ZNRF3: variants seen among roughly 807,000 people sequenced by gnomAD.
ZNRF3 encodes E3 ubiquitin-protein ligase ZNRF3.
Under a neutral mutation model 72.5 loss-of-function variants are expected in ZNRF3, and 23 were observed. The observed-to-expected ratio is 0.32, with a 90% CI of 0.23 to 0.45. The LOEUF is 0.45. ZNRF3 is among the 20% of genes least tolerant of loss of function. The probability of loss-of-function intolerance (pLI) is 1.00; values close to 1 mark genes in which losing one functional copy is unlikely to be tolerated. For missense variants in ZNRF3, 1,169 were observed against 1,272.1 expected (o/e 0.92, Z 1.23); for synonymous variants, 610 against 545.3 (o/e 1.12, Z -1.65).
At chr22:28,897,880 GGGA>G (rs1250626132) in intron 1 of ZNRF3, among the ~76,000 whole-genome samples, 4 of 152,128 alleles carry the variant, frequency 2.6e-5, no homozygotes, top group African/African-American at 9.7e-5. Flanking sequence ...ACACTACTTT[GGGA>G]TAGCATAGTG....
chr22:28,958,156 C>A (rs2035293888), intron 1 of ZNRF3, among the ~76,000 whole-genome samples: 1 of 152,224 alleles, frequency 6.6e-6, no homozygotes, highest in African/African-American at 2.4e-5. Flanking sequence ...CCACTGCATG[C>A]CAGCCTGGGC....
chr22:28,997,348 C>G (rs1198192223), intron 2 of ZNRF3, among the ~76,000 whole-genome samples: 1 of 151,564 alleles, frequency 6.6e-6, no homozygotes, highest in Non-Finnish European at 1.5e-5. Flanking sequence ...AATTTTCACC[C>G]CAGGGGATAC....
At position 29,049,610 on chromosome 22, in the gene ZNRF3, C is replaced by G. The variant is rs1416780722; in HGVS notation, c.1429C>G (p.Leu477Val). The change falls in exon 8 of 9, where the codon CTC becomes GTC. Residue 477 changes from leucine (L) to valine (V), a missense_variant. This residue lies in a region of ZNRF3 where 783 missense variants were observed against 731.4 expected (regional missense o/e 1.07). Transcript: ENST00000544604. The surrounding 1 kb of genome is among the most constrained non-coding windows in gnomAD (Gnocchi z 5.2). ...TMYQHYYFQG[L>V]SYPEQEGQSP... ...GTACCAGCACTACTACTTCCAGGGCCTCAGCTACCCGGAGCAGGAGGGGCA... is the reference window on the plus strand; with the variant it reads ...GTACCAGCACTACTACTTCCAGGGCGTCAGCTACCCGGAGCAGGAGGGGCA... 2 of 1,610,172 alleles carry G rather than the reference C, an allele frequency of 1.2e-6. No individual in the cohort carries two copies.
rs538016607 is a variant in ZNRF3 at position 28,961,402 on chromosome 22, G to A, written c.301-25674G>A. The stretch of plus-strand genomic sequence containing the variant: ...GGACAAGAACACACATGTGATAGTT[G>A]AGCTTAAAGTGTCAAAATATGGACA... On this transcript the variant is annotated intron_variant, in intron 1 of 8. Transcript: ENST00000544604. Among the ~76,000 whole-genome samples, 7 of 152,292 alleles carry A rather than the reference G, an allele frequency of 4.6e-5. No individual in the cohort carries two copies. The South Asian group carries it at 1.5e-3, about 32-fold the overall frequency.
At chr22:29,006,889 A>G (rs1821568358) in intron 2 of ZNRF3, among the ~76,000 whole-genome samples, 1 of 152,202 alleles carries the variant, frequency 6.6e-6, no homozygotes, top group Non-Finnish European at 1.5e-5. Context: ...AGCATCCCAA[A>G]GATGCTTTTC....
At chr22:28,887,100 T>C (rs1298715097) in intron 1 of ZNRF3, among the ~76,000 whole-genome samples, 11 of 152,176 alleles carry the variant, frequency 7.2e-5, no homozygotes, top group Non-Finnish European at 1.5e-5. Context: ...GTAGCAGTTT[T>C]ATTTATTCAT....
intron 1 of ZNRF3, among the ~76,000 whole-genome samples, chr22:28,925,307 A>G (rs1289430057): frequency 6.6e-6 from 1 of 151,982 alleles, no homozygotes; most frequent in Non-Finnish European, 1.5e-5. Context: ...TCCCAACCAA[A>G]CCCAGCATGT....
At chr22:28,931,699 A>G (rs754822840) in intron 1 of ZNRF3, among the ~76,000 whole-genome samples, 2 of 152,332 alleles carry the variant, frequency 1.3e-5, no homozygotes, top group Middle Eastern at 3.4e-3. Flanking sequence ...CTGTGCAACA[A>G]TGCAAGGTAC....
rs370491519 is a variant in ZNRF3 at position 29,050,625 on chromosome 22, C to T, written c.2444C>T (p.Pro815Leu). Reference sequence around the variant, plus strand: ...CAGTACACGCTCACCGAGGAACCACCGCCCGGCTGCTACCCCGGGGCCCGG... The same window carrying T: ...CAGTACACGCTCACCGAGGAACCACTGCCCGGCTGCTACCCCGGGGCCCGG... The part of the protein sequence containing the change: ...SVQYTLTEEP[P>L]PGCYPGARDL... Residue 815 changes from proline (P) to leucine (L), a missense_variant, in exon 8 of 9, where the codon CCG becomes CTG. Pro to Leu is a moderately conservative substitution (Grantham distance 98). Transcript: ENST00000544604. The T allele has an allele frequency of 5.6e-6, 9 of 1,610,816 alleles. No homozygotes were observed. The South Asian group carries it at 6.6e-5, about 12-fold the overall frequency.
At chr22:28,989,534 C>G (rs958342134) in intron 2 of ZNRF3, among the ~76,000 whole-genome samples, 1 of 152,172 alleles carries the variant, frequency 6.6e-6, no homozygotes, top group African/African-American at 2.4e-5. Flanking sequence ...GCAGCTTAGT[C>G]CCTGCAGAAT....
At chr22:28,903,115 T>C (rs1464215217) in intron 1 of ZNRF3, among the ~76,000 whole-genome samples, 1 of 152,218 alleles carries the variant, frequency 6.6e-6, no homozygotes, top group Non-Finnish European at 1.5e-5. Context: ...ATTTCTCCGA[T>C]TCCCAGTTCC....
chr22:29,044,980 G>A, intron 5 of ZNRF3, 90 bp downstream of exon 5: 2 of 879,866 alleles, frequency 2.3e-6, no homozygotes, highest in South Asian at 2.8e-5. Flanking sequence ...ATTTTTTGAT[G>A]GTGCAACATG....
At position 28,958,940 on chromosome 22, in the gene ZNRF3, C is replaced by A. The variant is rs760869531; in HGVS notation, c.301-28136C>A. On this transcript the variant is annotated intron_variant, in intron 1 of 8. Coordinates refer to ENST00000544604, the MANE Select transcript of ZNRF3 (RefSeq NM_001206998.2). ...GGCAAGATGAGACTCACTTCATCAGCAGAGAAGAATGGAGTCACTTGGGAG... is the reference window on the plus strand; with the variant it reads ...GGCAAGATGAGACTCACTTCATCAGAAGAGAAGAATGGAGTCACTTGGGAG... Among the ~76,000 whole-genome samples the A allele has an allele frequency of 1.5e-3, 222 of 152,306 alleles. 4 individuals carry two copies. The highest frequency in any genetic ancestry group is 4.9e-4 in the Non-Finnish European group (33 of 68,032).
intron 1 of ZNRF3, among the ~76,000 whole-genome samples, chr22:28,922,784 T>C (rs2034532877): frequency 1.3e-5 from 2 of 152,316 alleles, no homozygotes; most frequent in African/African-American, 4.8e-5. Context: ...ATATGTGGCA[T>C]GTTCCGCCAC....
intron 2 of ZNRF3, among the ~76,000 whole-genome samples, chr22:29,032,971 G>A (rs1240010656): frequency 6.6e-6 from 1 of 152,224 alleles, no homozygotes; most frequent in East Asian, 1.9e-4. Context: ...GTGGCAGGGG[G>A]TGGGTAATGT....
intron 2 of ZNRF3, among the ~76,000 whole-genome samples, chr22:29,001,865 A>AT (rs1445987528): frequency 2.0e-5 from 3 of 152,220 alleles, no homozygotes; most frequent in Non-Finnish European, 4.4e-5. Context: ...TGGAAGGCAC[A>AT]TTCTGTCACT....
At chr22:28,908,257 A>T (rs2034248894) in intron 1 of ZNRF3, among the ~76,000 whole-genome samples, 1 of 152,226 alleles carries the variant, frequency 6.6e-6, no homozygotes, top group South Asian at 2.1e-4. Flanking sequence ...TTGAGAATGA[A>T]GTGAAGCTCA....
At chr22:28,971,525 G>A (rs1333465284) in intron 1 of ZNRF3, among the ~76,000 whole-genome samples, 2 of 152,196 alleles carry the variant, frequency 1.3e-5, no homozygotes, top group South Asian at 2.1e-4. Context: ...CCCTAATTGT[G>A]GTAGAATAAA....
In ZNRF3 at chr22:29,050,115, A is replaced by C. The variant is rs757119018; in HGVS notation, c.1934A>C (p.Glu645Ala). ...AVHSHGAGRG[E>A]PWPGPASPSG... is the part of the protein sequence containing the mutation. ...CACAGTCATGGTGCTGGGCGGGGCGAGCCTTGGCCGGGCCCTGCCTCTCCC... is the reference window on the plus strand; with the variant it reads ...CACAGTCATGGTGCTGGGCGGGGCGCGCCTTGGCCGGGCCCTGCCTCTCCC... The change falls in exon 8 of 9, where the codon GAG (glutamate) becomes GCG (alanine). Residue 645 changes from glutamate to alanine, a missense_variant. Transcript: ENST00000544604. The C allele has an allele frequency of 1.4e-5, 23 of 1,607,168 alleles. No homozygotes were observed. Among genetic ancestry groups the C allele is most frequent in the Non-Finnish European group, 1.9e-5 (23 of 1,179,720 alleles).
Sources: gnomAD v4.1 joint callset for allele counts (sites outside exome capture counted in the v4.1 genomes callset) on GRCh38, gnomAD v4.1.1 for gene constraint, gnomAD v4.1.1 regional missense constraint, Gnocchi (gnomAD v3.1) non-coding constraint, MANE v1.5 for transcripts, NCBI Gene and HGNC (gene_info 2026-07-23, HGNC 2026-07-21) for gene names.